The following AJAP1 variants were observed in gnomAD, a reference collection of about 807,000 sequenced individuals.
The protein encoded by AJAP1 is adherens junctions associated protein 1, also known as adherens junction-associated protein 1.
Under a neutral mutation model 35.0 loss-of-function variants are expected in AJAP1, and 5 were observed. The ratio of observed to expected loss-of-function variants is 0.14; its 90% confidence interval spans 0.07 to 0.30. The LOEUF (loss-of-function observed/expected upper bound fraction) is 0.30, where lower values mean the gene tolerates loss of function less well. Among genes scored for constraint, AJAP1 ranks in the 10% least tolerant of loss-of-function variants. AJAP1 has a pLI of 1.00. For synonymous variants in AJAP1, 284 were observed against 249.3 expected, an observed-to-expected ratio of 1.14 and a Z score of -1.31; for missense variants, 586 against 571.0, an observed-to-expected ratio of 1.03 and a Z score of -0.27.
intron 1 of AJAP1, among the ~76,000 whole-genome samples, chr1:4,691,359 C>T (rs543937851): frequency 2.4e-4 from 36 of 152,334 alleles, no homozygotes; most frequent in African/African-American, 8.4e-4. Context: ...CTCCCTTTGT[C>T]CTCTCCAGGC....
At chr1:4,747,514 C>T (rs921656050) in intron 2 of AJAP1, among the ~76,000 whole-genome samples, 1 of 152,210 alleles carries the variant, frequency 6.6e-6, no homozygotes, top group Non-Finnish European at 1.5e-5. Context: ...TGTGCCGCCC[C>T]CTTCCCTCCT....
chr1:4,768,547 G>A (rs953875059), intron 2 of AJAP1, among the ~76,000 whole-genome samples: 4 of 152,214 alleles, frequency 2.6e-5, no homozygotes, highest in South Asian at 2.1e-4. Context: ...ACTGAAACCC[G>A]CCATGCTGAA....
At chr1:4,754,403 C>A (rs114277829) in intron 2 of AJAP1, among the ~76,000 whole-genome samples, 2,921 of 152,246 alleles carry the variant, frequency 0.019, 102 homozygotes, top group African/African-American at 0.066. Flanking sequence ...GGCAGTTTCT[C>A]CTGTAGCAGA....
At chr1:4,776,192 T>C (rs1005026874) in intron 5 of AJAP1, among the ~76,000 whole-genome samples, 1 of 151,856 alleles carries the variant, frequency 6.6e-6, no homozygotes, top group Non-Finnish European at 1.5e-5. Context: ...CACTTTTTAC[T>C]TGCCCAGTCC....
chr1:4,688,645 A>C (rs1285051731), intron 1 of AJAP1, among the ~76,000 whole-genome samples: 2 of 151,752 alleles, frequency 1.3e-5, no homozygotes, highest in African/African-American at 4.8e-5. Context: ...GGTGGCGTGC[A>C]CCTGCAATCC....
At chr1:4,662,987 G>A (rs550817233) in intron 1 of AJAP1, among the ~76,000 whole-genome samples, 2 of 152,312 alleles carry the variant, frequency 1.3e-5, no homozygotes, top group Admixed American at 6.5e-5. Context: ...TCCCCTGCAC[G>A]TGGAAAGTGT....
At chr1:4,710,302 T>C (rs1051728631) in intron 1 of AJAP1, among the ~76,000 whole-genome samples, 9 of 151,744 alleles carry the variant, frequency 5.9e-5, no homozygotes, top group African/African-American at 2.2e-4. Flanking sequence ...ACGCACCAAA[T>C]ACACACAGAC....
intron 1 of AJAP1, among the ~76,000 whole-genome samples, chr1:4,694,801 C>T (rs1398308481): frequency 6.6e-6 from 1 of 152,174 alleles, no homozygotes; most frequent in East Asian, 1.9e-4. Flanking sequence ...GTAGGGGCAG[C>T]CCTGGGAGCT....
At chr1:4,736,855 G>T (rs1640938230) in intron 2 of AJAP1, among the ~76,000 whole-genome samples, 1 of 152,178 alleles carries the variant, frequency 6.6e-6, no homozygotes, top group Non-Finnish European at 1.5e-5. Flanking sequence ...GTTGGAAAGA[G>T]GGCTTCTACA....
intron 2 of AJAP1, among the ~76,000 whole-genome samples, chr1:4,738,081 C>T (rs1460763233): frequency 6.6e-6 from 1 of 152,200 alleles, no homozygotes; most frequent in Non-Finnish European, 1.5e-5. Context: ...GTACTGAGTA[C>T]AAATTTTACT....
intron 2 of AJAP1, among the ~76,000 whole-genome samples, chr1:4,757,181 A>G (rs1253475861): frequency 6.6e-6 from 1 of 152,144 alleles, no homozygotes; most frequent in African/African-American, 2.4e-5. Context: ...CTCTCAGAAG[A>G]TCCTTTCCTT....
intron 5 of AJAP1, among the ~76,000 whole-genome samples, chr1:4,781,808 AC>A (rs746529569): frequency 1.8e-4 from 27 of 152,064 alleles, no homozygotes; most frequent in Non-Finnish European, 3.2e-4. Flanking sequence ...ATGCTGACCT[AC>A]TGGGGGCTCT....
intron 1 of AJAP1, among the ~76,000 whole-genome samples, chr1:4,673,935 A>G (rs1254208101): frequency 1.3e-5 from 2 of 151,830 alleles, no homozygotes; most frequent in Non-Finnish European, 1.5e-5. Flanking sequence ...GCTGCCAGAT[A>G]AAAGAAAACA....
In AJAP1 at chr1:4,723,064, T is replaced by C. The variant is rs1353952043; in HGVS notation, c.829+10365T>C. On this transcript the variant is annotated intron_variant, in intron 2 of 5. Coordinates refer to ENST00000378191, the MANE Select transcript of AJAP1 (RefSeq NM_018836.4). The surrounding 1 kb of genome is among the most constrained non-coding windows in gnomAD (Gnocchi z 4.3). ...GGCAATGATACCAGATGGGACGTGA[T>C]AACTTGTAGAGAGGTGGGACGCGAG... 2.0e-5 allele frequency among the ~76,000 whole-genome samples: 3 copies of C among 152,104 alleles called. No homozygotes were observed. Among genetic ancestry groups the C allele is most frequent in the South Asian group, 2.1e-4 (1 of 4,820 alleles).
intron 2 of AJAP1, among the ~76,000 whole-genome samples, chr1:4,721,983 G>A (rs1417412631): frequency 6.6e-6 from 1 of 152,184 alleles, no homozygotes; most frequent in East Asian, 1.9e-4. Context: ...CATATATACA[G>A]CATTTTATCT....
At chr1:4,717,244 A>G (rs1640413939) in intron 2 of AJAP1, among the ~76,000 whole-genome samples, 1 of 152,196 alleles carries the variant, frequency 6.6e-6, no homozygotes, top group Admixed American at 6.5e-5. Context: ...CTGTGGGAAT[A>G]CCTGGGGCAG....
At position 4,712,466 on chromosome 1, in the gene AJAP1, G is replaced by A. The variant is rs1027650765; in HGVS notation, c.596G>A (p.Gly199Asp). 6.2e-7 allele frequency: 1 copy of A among 1,611,268 alleles called. No homozygotes were observed. Among genetic ancestry groups the A allele is most frequent in the Non-Finnish European group, 8.5e-7 (1 of 1,179,058 alleles). ...GCCCTGGAGTCCAACACATTTCCGG[G>A]CGTTTACGGCCCCACCACGGTCTCC... ...EEALESNTFP[G>D]VYGPTTVSIL... is the part of the protein sequence containing the mutation. The change falls in exon 2 of 6, where the codon GGC (glycine) becomes GAC (aspartate). Residue 199 changes from glycine (G) to aspartate (D), a missense_variant. By Grantham distance (94) the Gly-to-Asp change is moderately conservative (BLOSUM62 -1). Transcript: ENST00000378191.
intron 2 of AJAP1, among the ~76,000 whole-genome samples, chr1:4,750,756 G>A (rs1641303453): frequency 6.6e-6 from 1 of 151,368 alleles, no homozygotes. Context: ...GAAGACCAGG[G>A]ATCCAAGTTG....
chr1:4,688,623 T>C (rs533856161), intron 1 of AJAP1, among the ~76,000 whole-genome samples: 4 of 151,824 alleles, frequency 2.6e-5, no homozygotes, highest in African/African-American at 7.2e-5. Flanking sequence ...AATAAAAATA[T>C]TAGCCGAGCG....
Sources: allele counts gnomAD v4.1 joint callset (sites outside exome capture counted in the v4.1 genomes callset), GRCh38; gene constraint gnomAD v4.1.1; non-coding constraint Gnocchi (gnomAD v3.1); transcripts MANE v1.5; gene names NCBI Gene and HGNC (gene_info 2026-07-23, HGNC 2026-07-21).